The following CTBP1 variants were observed in gnomAD, a reference collection of about 807,000 sequenced individuals.
The protein encoded by CTBP1 is C-terminal binding protein 1, also known as C-terminal-binding protein 1.
Under a neutral mutation model 42.1 loss-of-function variants are expected in CTBP1, and 11 were observed. The ratio of observed to expected loss-of-function variants is 0.26; its 90% CI spans 0.16 to 0.43. The LOEUF is 0.43. CTBP1 is among the 20% of genes least tolerant of loss of function. The pLI is 1.00. For missense variants in CTBP1, 399 were observed against 624.3 expected (o/e 0.64, Z 3.85); for synonymous variants, 324 against 277.1 (o/e 1.17, Z -1.68).
Position 1,213,029 on chromosome 4 carries a change from G to A in CTBP1, c.990C>T (p.Gly330=). Residue 330 remains glycine, a splice_region_variant and synonymous_variant, in exon 9 of 10, where the codon GGC becomes GGT. Coordinates refer to ENST00000382952, the MANE Select transcript of CTBP1 (RefSeq NM_001012614.2). ...AGTTCTTCAGGCTGTCTGGGATCCG[G>A]CCTGGGAGATGCAGGAGGAAGGAAC... ...AAREIRRAIT[G]RIPDSLKNCV... is the part of the protein sequence containing the mutation. 1 of 1,613,600 alleles carries A rather than the reference G, an allele frequency of 6.2e-7. No homozygotes were observed. Among genetic ancestry groups the A allele is most frequent in the African/African-American group, 1.3e-5 (1 of 75,044 alleles).
intron 5 of CTBP1, chr4:1,217,043 C>A (rs1376019360): frequency 6.6e-6 from 1 of 152,616 alleles, no homozygotes; most frequent in African/African-American, 2.4e-5. Context: ...CCAGGGCAGG[C>A]CTCCCTGAGA....
intron 1 of CTBP1, among the ~76,000 whole-genome samples, chr4:1,245,867 G>C (rs1732668739): frequency 6.6e-6 from 1 of 152,108 alleles, no homozygotes; most frequent in Non-Finnish European, 1.5e-5. Context: ...CAGGGCCATA[G>C]CCCCAACGCC....
intron 5 of CTBP1, among the ~76,000 whole-genome samples, chr4:1,224,639 G>A (rs1218660131): frequency 6.6e-6 from 1 of 151,296 alleles, no homozygotes; most frequent in Non-Finnish European, 1.5e-5. Context: ...GTGGTGTTGT[G>A]TGTGACATCT....
rs1365622524 is a variant in CTBP1, at chr4:1,215,977, C to T, written c.729+14G>A. The T allele has an allele frequency of 4.4e-6, 7 of 1,599,182 alleles. No homozygotes were observed. In the East Asian group the frequency reaches 6.8e-5, roughly 15 times the overall value. ...CCCGCAGAAGTAGAGTCCTGTGTCC[C>T]CGGCTCCACGCACCTGCTTGACGGT... On this transcript the variant is annotated intron_variant, in intron 6 of 9. Coordinates refer to ENST00000382952, the MANE Select transcript of CTBP1 (RefSeq NM_001012614.2).
chr4:1,236,021 T>A (rs967892349), intron 3 of CTBP1: 2 of 152,718 alleles, frequency 1.3e-5, no homozygotes, highest in Admixed American at 1.3e-4. Context: ...GCCATGGATA[T>A]CCCGGCAGGG....
intron 2 of CTBP1, among the ~76,000 whole-genome samples, chr4:1,239,494 A>G (rs916189798): frequency 6.6e-6 from 1 of 152,204 alleles, no homozygotes; most frequent in African/African-American, 2.4e-5. Context: ...CGCTCGGCCC[A>G]GTCTCCCGCC....
intron 1 of CTBP1, chr4:1,248,655 T>C: frequency 1.0e-6 from 1 of 982,496 alleles, no homozygotes; most frequent in East Asian, 1.2e-4. Flanking sequence ...GGCCCTTTTG[T>C]GTCACCTGCA....
At chr4:1,237,294 G>A (rs868187681) in intron 3 of CTBP1, 2 of 677,470 alleles carry the variant, frequency 3.0e-6, no homozygotes, top group Middle Eastern at 2.6e-4. Context: ...AAAACCCGGT[G>A]TCCACCTCCT....
At position 1,238,172 on chromosome 4, in the gene CTBP1, C is replaced by T. The variant is rs368190257; in HGVS notation, c.162+11G>A. 20 of 1,612,698 alleles carry T rather than the reference C, an allele frequency of 1.2e-5. No homozygotes were observed. The highest frequency in any genetic ancestry group is 4.5e-5 in the East Asian group (2 of 44,884). ...CGGTTCTGCCAGCCCCAGGCGACCA[C>T]GTGGTGGTACCTTCTCATGGATCTC... is the stretch of plus-strand genomic sequence containing the variant. On this transcript the variant is annotated intron_variant, in intron 3 of 9. Transcript: ENST00000382952. The surrounding 1 kb of genome is among the most constrained non-coding windows in gnomAD (Gnocchi z 5.9).
At chr4:1,244,164 G>C (rs938957524) in intron 1 of CTBP1, 1 of 985,154 alleles carries the variant, frequency 1.0e-6, no homozygotes, top group African/African-American at 1.7e-5. Context: ...GTCTCTGGAT[G>C]CACATCACCA....
chr4:1,214,363 C>T lies in CTBP1; in HGVS notation c.840G>A (p.Val280=). 1 of 1,566,776 alleles carries T rather than the reference C, an allele frequency of 6.4e-7. No homozygotes were observed. The highest frequency in any genetic ancestry group is 8.6e-7 in the Non-Finnish European group (1 of 1,162,552). Residue 280 remains valine, a synonymous_variant, in exon 7 of 10, where the codon GTG becomes GTA. Coordinates refer to ENST00000382952, the MANE Select transcript of CTBP1 (RefSeq NM_001012614.2). ...GGCACCTGAAGGGTTCCGACTCGTG[C>T]ACATCCAGGGCCGCGCCGCGGATCC... ...EGRIRGAALD[V]HESEPFSFSQ...
intron 1 of CTBP1, chr4:1,242,820 GA>G (rs1287067784): frequency 2.0e-6 from 2 of 985,276 alleles, no homozygotes; most frequent in African/African-American, 3.5e-5. Context: ...AAGGACAGGA[GA>G]AAACCGCCTA....
intron 5 of CTBP1, among the ~76,000 whole-genome samples, chr4:1,223,079 C>A (rs2335854): frequency 3.0e-4 from 3 of 9,886 alleles, no homozygotes; most frequent in Non-Finnish European, 2.4e-3. Flanking sequence ...GGAGGCACCG[C>A]CCCCTGGACA....
At chr4:1,214,727 C>G (rs1228480918) in intron 6 of CTBP1, among the ~76,000 whole-genome samples, 2 of 152,238 alleles carry the variant, frequency 1.3e-5, no homozygotes, top group African/African-American at 2.4e-5. Context: ...CACCCTCCTG[C>G]CCAAGCCCTG....
chr4:1,233,056 T>C lies in CTBP1; in HGVS notation c.163-4713A>G. 6.6e-6 allele frequency: 1 copy of C among 152,534 alleles called. No homozygotes were observed. Among genetic ancestry groups the C allele is most frequent in the Non-Finnish European group, 1.5e-5 (1 of 68,258 alleles). 9.4% of individuals were successfully genotyped at this position (152,534 alleles called of 1,614,324 possible). ...GCGGGGGTCGCACTGCACCCGAGGCTCAGCTGGGCACTGGGCAGTCTGCCT... is the reference window on the plus strand; with the variant it reads ...GCGGGGGTCGCACTGCACCCGAGGCCCAGCTGGGCACTGGGCAGTCTGCCT... On this transcript the variant is annotated intron_variant, in intron 3 of 9. Coordinates refer to ENST00000382952, the MANE Select transcript of CTBP1 (RefSeq NM_001012614.2). The surrounding 1 kb of genome is among the most constrained non-coding windows in gnomAD (Gnocchi z 4.6).
chr4:1,221,026 T>G (rs1729679041), intron 5 of CTBP1, among the ~76,000 whole-genome samples: 1 of 152,122 alleles, frequency 6.6e-6, no homozygotes, highest in African/African-American at 2.4e-5. Flanking sequence ...AAGTGAAAAG[T>G]CAAGCCACGG....
At position 1,212,057 on chromosome 4, in the gene CTBP1, G is replaced by A. The variant is rs1728591221; in HGVS notation, c.*183C>T. The stretch of plus-strand genomic sequence containing the variant: ...AGGAACGCGAAGGACACAGGGCAGA[G>A]CGCCCACAGGACGGACGACGACAAG... On this transcript the variant is annotated 3_prime_UTR_variant, in exon 10 of 10. Transcript: ENST00000382952. The A allele has an allele frequency of 2.3e-6, 1 of 442,718 alleles. No homozygotes were observed. Among genetic ancestry groups the A allele is most frequent in the Admixed American group, 4.3e-5 (1 of 23,508 alleles). 27.4% of individuals were successfully genotyped at this position (442,718 alleles called of 1,614,324 possible). A position where few individuals can be genotyped will look rare whatever the true frequency, so the allele number is the denominator to read the frequency against.
At chr4:1,228,050 C>A in intron 4 of CTBP1, 149 bp downstream of exon 4, 1 of 1,033,258 alleles carries the variant, frequency 9.7e-7, no homozygotes, top group African/African-American at 1.6e-5. Flanking sequence ...AACCTCATGC[C>A]GGCCCCAGAC....
In CTBP1 at chr4:1,235,604, C is replaced by A. The variant is rs914676656; in HGVS notation, c.162+2579G>T. The A allele has an allele frequency of 1.3e-5, 2 of 152,218 alleles. No homozygotes were observed. Among genetic ancestry groups the A allele is most frequent in the African/African-American group, 4.8e-5 (2 of 41,426 alleles). 9.4% of individuals were successfully genotyped at this position (152,218 alleles called of 1,614,324 possible). Reference sequence around the variant, plus strand: ...ATCCGCATCTCATTTTCTCCCCTAACGCTGCTACGCCCCGTTCCAGAGTCA... The same window carrying A: ...ATCCGCATCTCATTTTCTCCCCTAAAGCTGCTACGCCCCGTTCCAGAGTCA... On this transcript the variant is annotated intron_variant, in intron 3 of 9. Coordinates refer to ENST00000382952, the MANE Select transcript of CTBP1 (RefSeq NM_001012614.2). This position sits in a 1 kb window ranked among gnomAD's most constrained non-coding sequence, Gnocchi z 4.2.
Sources: gnomAD v4.1 joint callset for allele counts (sites outside exome capture counted in the v4.1 genomes callset) on GRCh38, gnomAD v4.1.1 for gene constraint, Gnocchi (gnomAD v3.1) non-coding constraint, MANE v1.5 for transcripts, NCBI Gene and HGNC (gene_info 2026-07-23, HGNC 2026-07-21) for gene names.